ASXL3: variants seen among roughly 807,000 people sequenced by gnomAD.
The protein encoded by ASXL3 is ASXL transcriptional regulator 3.
Under a neutral mutation model 170.6 loss-of-function variants are expected in ASXL3, and 34 were observed. The observed-to-expected ratio is 0.20, with a 90% confidence interval of 0.15 to 0.27. The LOEUF is 0.27. ASXL3 is among the 10% of genes least tolerant of loss of function. The pLI is 1.00. For missense variants in ASXL3, 2,592 were observed against 2,695.3 expected, an observed-to-expected ratio of 0.96 and a Z score of 0.85; for synonymous variants, 1,002 against 989.1, an observed-to-expected ratio of 1.01 and a Z score of -0.24.
rs760527563 is a variant in ASXL3 at position 33,744,015 on chromosome 18, C to T, written c.4167C>T (p.Thr1389=). ...AACAGGCCACTGTATCCATGGGTAC[C>T]ACTGTGAGAGCAGCCCTCAGCTGCA... The part of the protein sequence containing the change: ...SEEQATVSMG[T]TVRAALSCSD... Residue 1389 remains threonine, a synonymous_variant, in exon 12 of 12, where the codon ACC becomes ACT. Transcript: ENST00000269197. 35 of 1,613,886 alleles carry T rather than the reference C, an allele frequency of 2.2e-5. No homozygotes were observed. Among genetic ancestry groups the T allele is most frequent in the Non-Finnish European group, 2.8e-5 (33 of 1,179,900 alleles).
At chr18:33,676,060 T>C (rs376061971) in intron 7 of ASXL3, among the ~76,000 whole-genome samples, 2 of 151,160 alleles carry the variant, frequency 1.3e-5, no homozygotes, top group East Asian at 3.9e-4. Flanking sequence ...CCGTCTCTAC[T>C]AAAACTACAA....
At chr18:33,697,532 G>T (rs1432991468) in intron 8 of ASXL3, among the ~76,000 whole-genome samples, 2 of 152,116 alleles carry the variant, frequency 1.3e-5, no homozygotes, top group African/African-American at 4.8e-5. Context: ...GGCAGAACCA[G>T]ATTTGTGCTC....
chr18:33,676,117 G>A (rs551533981), intron 7 of ASXL3, among the ~76,000 whole-genome samples: 39 of 150,348 alleles, frequency 2.6e-4, no homozygotes, highest in South Asian at 1.3e-3. Context: ...CCAGCTACTC[G>A]GGAGGGTGAG....
At chr18:33,668,916 C>T (rs1218770457) in intron 5 of ASXL3, among the ~76,000 whole-genome samples, 1 of 152,056 alleles carries the variant, frequency 6.6e-6, no homozygotes, top group Non-Finnish European at 1.5e-5. Flanking sequence ...ACACCACACA[C>T]ACACAAACTA....
intron 5 of ASXL3, among the ~76,000 whole-genome samples, chr18:33,665,980 A>G (rs1460364852): frequency 6.6e-6 from 1 of 152,150 alleles, no homozygotes; most frequent in African/African-American, 2.4e-5. Flanking sequence ...TTTCTTTCAT[A>G]TTGAATAATA....
intron 4 of ASXL3, among the ~76,000 whole-genome samples, chr18:33,656,860 T>C (rs1019396219): frequency 6.6e-6 from 1 of 152,142 alleles, no homozygotes; most frequent in Admixed American, 6.6e-5. Flanking sequence ...AAAATAGCTT[T>C]GCTGACCTCC....
intron 4 of ASXL3, among the ~76,000 whole-genome samples, chr18:33,654,877 T>G (rs1430925261): frequency 1.3e-5 from 2 of 152,094 alleles, no homozygotes; most frequent in Admixed American, 6.6e-5. Context: ...GAGTTTTCTC[T>G]CTTCTGTGTT....
At chr18:33,720,373 A>C (rs2067238772) in intron 8 of ASXL3, among the ~76,000 whole-genome samples, 1 of 152,072 alleles carries the variant, frequency 6.6e-6, no homozygotes, top group Non-Finnish European at 1.5e-5. Flanking sequence ...GATTCCCACT[A>C]CATTATAACA....
chr18:33,699,705 A>C (rs995135983), intron 8 of ASXL3, among the ~76,000 whole-genome samples: 6 of 152,122 alleles, frequency 3.9e-5, no homozygotes, highest in African/African-American at 1.4e-4. Flanking sequence ...GCAATGGAAC[A>C]ACAAAATGGA....
rs1408114621 is a variant in ASXL3, at chr18:33,742,935, A to G, written c.3087A>G (p.Pro1029=). The G allele has an allele frequency of 1.2e-6, 2 of 1,609,960 alleles. No homozygotes were observed. Among genetic ancestry groups the G allele is most frequent in the African/African-American group, 1.3e-5 (1 of 74,552 alleles). The change falls in exon 12 of 12, where the codon CCA becomes CCG. Residue 1029 remains proline, a synonymous_variant. Coordinates refer to ENST00000269197, the MANE Select transcript of ASXL3 (RefSeq NM_030632.3). ...IGPPFIIKSQ[P]VSKPESRAST... is the part of the protein sequence containing the mutation. The stretch of plus-strand genomic sequence containing the variant: ...CACCTTTTATAATCAAGAGCCAACC[A>G]GTCTCCAAACCTGAGTCTCGAGCAT...
At chr18:33,726,784 C>CA (rs1330362597) in intron 8 of ASXL3, among the ~76,000 whole-genome samples, 1 of 152,168 alleles carries the variant, frequency 6.6e-6, no homozygotes, top group African/African-American at 2.4e-5. Flanking sequence ...TTTGGACCAA[C>CA]ACCCTCCAAA....
chr18:33,645,697 G>C (rs1304866491), intron 3 of ASXL3, among the ~76,000 whole-genome samples: 1 of 151,672 alleles, frequency 6.6e-6, no homozygotes, highest in African/African-American at 2.4e-5. Context: ...AAATTAAAAA[G>C]AAGTCTCTGC....
intron 9 of ASXL3, among the ~76,000 whole-genome samples, chr18:33,732,570 C>T (rs774552641): frequency 5.9e-5 from 9 of 152,122 alleles, no homozygotes; most frequent in Non-Finnish European, 1.3e-4. Flanking sequence ...GAGAAGAATA[C>T]TAGCCAGGCG....
chr18:33,682,242 T>C (rs1599488043), intron 7 of ASXL3, among the ~76,000 whole-genome samples: 2 of 152,330 alleles, frequency 1.3e-5, no homozygotes, highest in African/African-American at 4.8e-5. Context: ...TAAAACTTTA[T>C]TTGCTAAAGC....
intron 8 of ASXL3, among the ~76,000 whole-genome samples, chr18:33,715,538 G>T (rs965184421): frequency 1.3e-5 from 2 of 152,196 alleles, no homozygotes; most frequent in African/African-American, 2.4e-5. Flanking sequence ...TGATTTTGCT[G>T]TAGAAATGGG....
chr18:33,651,199 A>G (rs969609604), intron 4 of ASXL3, among the ~76,000 whole-genome samples: 1 of 152,168 alleles, frequency 6.6e-6, no homozygotes, highest in Non-Finnish European at 1.5e-5. Flanking sequence ...GCTTATCCCA[A>G]TAAAATAGTG....
chr18:33,654,120 C>A (rs529197850), intron 4 of ASXL3, among the ~76,000 whole-genome samples: 2 of 152,078 alleles, frequency 1.3e-5, no homozygotes, highest in East Asian at 3.9e-4. Context: ...TGAAGTGACC[C>A]ATTTAAGCAT....
intron 10 of ASXL3, among the ~76,000 whole-genome samples, chr18:33,736,325 A>G (rs1452444806): frequency 1.3e-5 from 2 of 151,910 alleles, no homozygotes; most frequent in Admixed American, 1.3e-4. Flanking sequence ...TCTGAATACA[A>G]AGCATGCTTC....
intron 2 of ASXL3, among the ~76,000 whole-genome samples, chr18:33,611,656 G>A (rs1212704071): frequency 6.6e-6 from 1 of 152,000 alleles, no homozygotes; most frequent in East Asian, 1.9e-4. Flanking sequence ...ATCCCTCTTT[G>A]GACTTCTTAG....
Sources: allele counts gnomAD v4.1 joint callset (sites outside exome capture counted in the v4.1 genomes callset), GRCh38; gene constraint gnomAD v4.1.1; transcripts MANE v1.5; gene names NCBI Gene and HGNC (gene_info 2026-07-23, HGNC 2026-07-21).